CEACAM18: variants seen among roughly 807,000 people sequenced by gnomAD.
CEACAM18 encodes the protein CEA cell adhesion molecule 18.
CEACAM18 carries 33 observed loss-of-function variants against 34.3 expected under a neutral mutation model. The observed-to-expected ratio is 0.96, with a 90% confidence interval of 0.73 to 1.29. CEACAM18 has a LOEUF of 1.29. CEACAM18 is among the 50% of genes most tolerant of loss of function. The probability of loss-of-function intolerance (pLI) is 0.00; values close to 1 mark genes in which losing one functional copy is unlikely to be tolerated. For synonymous variants in CEACAM18, 169 were observed against 180.9 expected (o/e 0.93, Z 0.53); for missense variants, 474 against 485.0 (o/e 0.98, Z 0.21).
At chr19:51,487,132 TTAAG>T (rs892924574) in intron 5 of CEACAM18, among the ~76,000 whole-genome samples, 2 of 152,176 alleles carry the variant, frequency 1.3e-5, no homozygotes, top group South Asian at 2.1e-4. Context: ...AGATTAAACA[TTAAG>T]TAAGATTTAG....
chr19:51,480,104 C>T (rs149106454), intron 1 of CEACAM18, among the ~76,000 whole-genome samples: 1,936 of 152,182 alleles, frequency 0.013, 24 homozygotes, highest in Admixed American at 0.023. Context: ...GGCTGTGTGG[C>T]TAGCGAGGAG....
chr19:51,478,938 A>ACACACG (rs1354456091), intron 1 of CEACAM18, among the ~76,000 whole-genome samples: 2 of 137,996 alleles, frequency 1.4e-5, no homozygotes, highest in Admixed American at 1.4e-4. Flanking sequence ...TGTTACACAC[A>ACACACG]CACGCACACG....
At chr19:51,480,471 G>C (rs760010227) in exon 2 of CEACAM18, 4 of 1,613,834 alleles carry the variant, frequency 2.5e-6, no homozygotes, top group Non-Finnish European at 3.4e-6. Context: ...TGGTACTGGG[G>C]TGCAAACGAC....
exon 3 of CEACAM18, chr19:51,481,412 C>T (rs1989912775): frequency 6.2e-7 from 1 of 1,613,746 alleles, no homozygotes; most frequent in Admixed American, 1.7e-5. Context: ...GCAATCTGGG[C>T]ATCTCCGTCA....
exon 4 of CEACAM18, chr19:51,483,106 T>C: frequency 6.2e-7 from 1 of 1,613,692 alleles, no homozygotes; most frequent in Non-Finnish European, 8.5e-7. Context: ...GGAAATGGAG[T>C]GTATCTGCTA....
chr19:51,487,850 C>A (rs1456852855), intron 5 of CEACAM18, among the ~76,000 whole-genome samples: 1 of 152,168 alleles, frequency 6.6e-6, no homozygotes, highest in Non-Finnish European at 1.5e-5. Context: ...ATGGTAGCCA[C>A]TAGTCATACG....
At chr19:51,480,241 C>A (rs958046183) in intron 1 of CEACAM18, 92 bp from the exon 2 acceptor site, 21 of 1,062,764 alleles carry the variant, frequency 2.0e-5, no homozygotes, top group Non-Finnish European at 2.8e-5. Context: ...CTCTGGGAAT[C>A]GTTCCCGGAT....
chr19:51,490,053 G>T (rs1424071673), intron 5 of CEACAM18, among the ~76,000 whole-genome samples: 1 of 152,142 alleles, frequency 6.6e-6, no homozygotes, highest in African/African-American at 2.4e-5. Flanking sequence ...TGAGAGCAGG[G>T]ATCTGGAATC....
intron 1 of CEACAM18, among the ~76,000 whole-genome samples, chr19:51,479,907 A>T (rs8100959): frequency 0.22 from 33,246 of 152,114 alleles, 3,778 homozygotes; most frequent in Middle Eastern, 0.37. Flanking sequence ...GTAGGTGTGC[A>T]CCACAAGGAG....
In CEACAM18 at chr19:51,490,736, G is replaced by T. The variant is rs1990076094; in HGVS notation, c.*84G>T. ...TCCAGGGTCTCTTTGGAGGGTACTG[G>T]CAAGAGAGGGACCCAGCCCAGTCAC... On this transcript the variant is annotated 3_prime_UTR_variant, in exon 6 of 6. Transcript: ENST00000396477. 8 of 732,432 alleles carry T rather than the reference G, an allele frequency of 1.1e-5. No individual in the cohort carries two copies. The East Asian group carries it at 2.7e-4, about 25-fold the overall frequency. The allele number at this position is 732,432 out of a possible 1,614,324, so 45.4% of individuals were successfully genotyped here. A position where few individuals can be genotyped will look rare whatever the true frequency, so the allele number is the denominator to read the frequency against.
At position 51,490,650 on chromosome 19, in the gene CEACAM18, T is replaced by A; in HGVS notation, c.1153T>A (p.Ter385ArgextTer56). ...GGACAAGACCAGAAGGGCAAGCAGG[T>A]GAGGAGAGGGTGATGGAGAAGGGCT... The change falls in exon 6 of 6, where the codon TGA becomes AGA. Residue 385 changes from the stop codon to arginine, a stop_lost. Transcript: ENST00000396477. 3 of 1,231,338 alleles carry A rather than the reference T, an allele frequency of 2.4e-6. No homozygotes were observed. In the South Asian group the frequency reaches 1.2e-4, roughly 51 times the overall value. The allele number at this position is 1,231,338 out of a possible 1,614,324, so 76.3% of individuals were successfully genotyped here. A position where few individuals can be genotyped will look rare whatever the true frequency, so the allele number is the denominator to read the frequency against.
rs1312793392 is a variant in CEACAM18 at position 51,482,999 on chromosome 19, C to T, written c.674-18C>T. On this transcript the variant is annotated intron_variant, in intron 3 of 5. Transcript: ENST00000396477. The stretch of plus-strand genomic sequence containing the variant: ...GGGGTCAGAAACATAGCCTGGGCCT[C>T]CTACCCTGTCTCTACAGATGGGCCC... 1 of 1,610,966 alleles carries T rather than the reference C, an allele frequency of 6.2e-7. No homozygotes were observed. The highest frequency in any genetic ancestry group is 1.3e-5 in the African/African-American group (1 of 75,000).
chr19:51,485,211 C>A, intron 5 of CEACAM18, 89 bp downstream of exon 5: 1 of 1,314,666 alleles, frequency 7.6e-7, no homozygotes, highest in Non-Finnish European at 1.0e-6. Flanking sequence ...GAAGCAGAGC[C>A]AGAAGGGGAG....
chr19:51,482,934 C>T, intron 3 of CEACAM18, 83 bp from the exon 4 acceptor site: 1 of 1,539,522 alleles, frequency 6.5e-7, no homozygotes, highest in South Asian at 1.2e-5. Context: ...CAATGGGGAA[C>T]CTCCTGGCTG....
chr19:51,482,149 A>G (rs1989927841), intron 3 of CEACAM18, among the ~76,000 whole-genome samples: 1 of 151,902 alleles, frequency 6.6e-6, no homozygotes, highest in Non-Finnish European at 1.5e-5. Context: ...TAAAGACTCA[A>G]TTATGCATTC....
rs376126665 is a variant in CEACAM18 at position 51,483,366 on chromosome 19, C to T, written c.953+70C>T. The T allele has an allele frequency of 1.0e-4, 158 of 1,565,662 alleles. No individual in the cohort carries two copies. The African/African-American group carries it at 1.4e-3, about 14-fold the overall frequency. ...CCTCCATGCCCTGCTAGGCAGTGCC[C>T]ACCCTCAGGAGTGCCACCTCCACTG... is the stretch of plus-strand genomic sequence containing the variant. On this transcript the variant is annotated intron_variant, in intron 4 of 5. Coordinates refer to ENST00000396477, the Ensembl canonical transcript of CEACAM18.
At chr19:51,488,628 C>T (rs926355950) in intron 5 of CEACAM18, among the ~76,000 whole-genome samples, 1 of 152,202 alleles carries the variant, frequency 6.6e-6, no homozygotes, top group Non-Finnish European at 1.5e-5. Flanking sequence ...TCAGAGAATT[C>T]AGCTGAGAAG....
chr19:51,481,304 C>G, intron 2 of CEACAM18, 89 bp from the exon 3 acceptor site: 13 of 1,421,252 alleles, frequency 9.1e-6, no homozygotes, highest in Non-Finnish European at 1.2e-5. Context: ...TGGCTTCTCT[C>G]CAACATGCCC....
intron 5 of CEACAM18, among the ~76,000 whole-genome samples, chr19:51,488,577 T>C (rs756211828): frequency 1.3e-5 from 2 of 151,940 alleles, no homozygotes; most frequent in Non-Finnish European, 2.9e-5. Context: ...AAATGCAGGG[T>C]TGTTGGCTAG....
Sources: gnomAD v4.1 joint callset for allele counts (sites outside exome capture counted in the v4.1 genomes callset) on GRCh38, gnomAD v4.1.1 for gene constraint, MANE v1.5 for transcripts, NCBI Gene and HGNC (gene_info 2026-07-23, HGNC 2026-07-21) for gene names.